Variants in UBA2 observed in about 807,000 individuals in gnomAD.
The protein encoded by UBA2 is SUMO-activating enzyme subunit 2.
In UBA2, 11 loss-of-function variants were observed where a neutral mutation model predicts 77.2. The observed-to-expected ratio is 0.14, with a 90% CI of 0.09 to 0.24. UBA2 has a LOEUF of 0.24. Among genes scored for constraint, UBA2 ranks in the 10% least tolerant of loss-of-function variants. The pLI is 1.00. For missense variants in UBA2, 487 were observed against 781.7 expected (o/e 0.62, Z 4.50); for synonymous variants, 278 against 276.7 (o/e 1.00, Z -0.05).
chr19:34,454,229 A>G, intron 10 of UBA2, 31 bp from the exon 11 acceptor site: 1 of 1,553,350 alleles, frequency 6.4e-7, no homozygotes. Flanking sequence ...ATTTGTGGAG[A>G]AACTTGTTAA....
rs2075727053 is a variant in UBA2, at chr19:34,470,645, C to T, written c.*1424C>T. The T allele has an allele frequency of 6.6e-6, 1 of 152,268 alleles. No individual in the cohort carries two copies. The highest frequency in any genetic ancestry group is 2.4e-5 in the African/African-American group (1 of 41,416). The allele number at this position is 152,268 out of a possible 1,614,324, so 9.4% of individuals were successfully genotyped here. Reference sequence around the variant, plus strand: ...GCAAGCGATTCTCCTGTCTCAGCCTCCCCTGTAGCTGGGATTACAGGCGCC... The same window carrying T: ...GCAAGCGATTCTCCTGTCTCAGCCTTCCCTGTAGCTGGGATTACAGGCGCC... On this transcript the variant is annotated 3_prime_UTR_variant, in exon 17 of 17. Transcript: ENST00000246548.
At chr19:34,450,584 C>G (rs2075482028) in intron 9 of UBA2, among the ~76,000 whole-genome samples, 1 of 152,030 alleles carries the variant, frequency 6.6e-6, no homozygotes, top group Admixed American at 6.6e-5. Context: ...TACACAGATG[C>G]AGGCATTCGT....
Position 34,469,384 on chromosome 19 carries a change from G to A in UBA2, c.*163G>A. 1.9e-6 allele frequency: 1 copy of A among 513,096 alleles called. No homozygotes were observed. Among genetic ancestry groups the A allele is most frequent in the Non-Finnish European group, 3.2e-6 (1 of 315,646 alleles). The allele number at this position is 513,096 out of a possible 1,614,324, so 31.8% of individuals were successfully genotyped here. A position where few individuals can be genotyped will look rare whatever the true frequency, so the allele number is the denominator to read the frequency against. ...TTTTGCTAGAACTGTTAGACACATT[G>A]CAGTATGCTGTATTGAAAGTAGGAA... On this transcript the variant is annotated 3_prime_UTR_variant, in exon 17 of 17. Transcript: ENST00000246548.
chr19:34,470,500 A>C lies in UBA2; in HGVS notation c.*1279A>C, dbSNP rs899909257. 3 of 152,182 alleles carry C rather than the reference A, an allele frequency of 2.0e-5. No homozygotes were observed. The highest frequency in any genetic ancestry group is 4.4e-5 in the Non-Finnish European group (3 of 68,064). The allele number at this position is 152,182 out of a possible 1,614,324, so 9.4% of individuals were successfully genotyped here. ...CCTGTCTCTAAAAAATAAGTAAATAAAATAAAGCTTTTAATGGCAGTGGGT... is the reference window on the plus strand; with the variant it reads ...CCTGTCTCTAAAAAATAAGTAAATACAATAAAGCTTTTAATGGCAGTGGGT... On this transcript the variant is annotated 3_prime_UTR_variant, in exon 17 of 17. Transcript: ENST00000246548.
chr19:34,447,164 C>T (rs1487959190), intron 8 of UBA2, among the ~76,000 whole-genome samples: 1 of 152,116 alleles, frequency 6.6e-6, no homozygotes, highest in East Asian at 1.9e-4. Flanking sequence ...AAGCATCCAA[C>T]ATGGGAGAAA....
At chr19:34,428,674 G>A in intron 1 of UBA2, 104 bp downstream of exon 1, 2 of 1,218,380 alleles carry the variant, frequency 1.6e-6, no homozygotes, top group Non-Finnish European at 2.1e-6. Flanking sequence ...CCCGGAGCCC[G>A]GGACCGGAGT....
intron 7 of UBA2, among the ~76,000 whole-genome samples, chr19:34,444,398 G>T (rs993819092): frequency 6.6e-6 from 1 of 152,176 alleles, no homozygotes; most frequent in African/African-American, 2.4e-5. Context: ...TTTTACTGAT[G>T]AGGAAATCAA....
At chr19:34,459,492 G>T (rs1475749869) in intron 13 of UBA2, among the ~76,000 whole-genome samples, 1 of 152,122 alleles carries the variant, frequency 6.6e-6, no homozygotes, top group Non-Finnish European at 1.5e-5. Context: ...AATATGACCT[G>T]ATTCTGATAT....
chr19:34,442,604 G>A (rs895337471), intron 6 of UBA2, among the ~76,000 whole-genome samples: 2 of 151,890 alleles, frequency 1.3e-5, no homozygotes, highest in African/African-American at 4.8e-5. Context: ...GCTAATATTT[G>A]TATTTTAGTA....
At chr19:34,450,783 C>T (rs1599915450) in intron 9 of UBA2, among the ~76,000 whole-genome samples, 1 of 117,822 alleles carries the variant, frequency 8.5e-6, no homozygotes, top group East Asian at 2.7e-4. Flanking sequence ...GTGTCTCGCT[C>T]TGTTGCCAAG....
chr19:34,449,154 C>T (rs1465486414), intron 8 of UBA2, among the ~76,000 whole-genome samples: 1 of 149,368 alleles, frequency 6.7e-6, no homozygotes, highest in Non-Finnish European at 1.5e-5. Context: ...ACTGCACTCT[C>T]CGCCTCCCAG....
At chr19:34,448,995 C>G (rs1275525847) in intron 8 of UBA2, among the ~76,000 whole-genome samples, 1 of 151,848 alleles carries the variant, frequency 6.6e-6, no homozygotes, top group Non-Finnish European at 1.5e-5. Flanking sequence ...CATCTCCTTG[C>G]CTTTGTACCC....
chr19:34,444,958 AC>A lies in UBA2; in HGVS notation c.650-41del, dbSNP rs1401692325. On this transcript the variant is annotated intron_variant, in intron 7 of 16. Transcript: ENST00000246548. ...AGGTGAGTGAAAAGAGTTCAGTTCT[AC>A]ATTTATTACGGTTGAAAATAAAATA... 8 of 1,592,760 alleles carry A rather than the reference AC, an allele frequency of 5.0e-6. No homozygotes were observed. The Admixed American group carries it at 7.2e-5, about 14-fold the overall frequency.
chr19:34,449,260 G>A (rs1023884033), intron 8 of UBA2, among the ~76,000 whole-genome samples: 4 of 151,940 alleles, frequency 2.6e-5, no homozygotes, highest in South Asian at 2.1e-4. Context: ...AGTAGAGATG[G>A]GGTTTCACCA....
intron 15 of UBA2, among the ~76,000 whole-genome samples, chr19:34,465,271 A>G (rs934907149): frequency 6.6e-6 from 1 of 152,204 alleles, no homozygotes; most frequent in African/African-American, 2.4e-5. Context: ...TCATGAGTAT[A>G]CAAACATGCA....
intron 4 of UBA2, among the ~76,000 whole-genome samples, chr19:34,434,580 G>A (rs759681034): frequency 1.3e-5 from 2 of 152,202 alleles, no homozygotes; most frequent in Non-Finnish European, 2.9e-5. Flanking sequence ...AGTGTTTTGT[G>A]TAAGGTACAG....
intron 10 of UBA2, among the ~76,000 whole-genome samples, chr19:34,453,517 CTTTTTT>C (rs560242991): frequency 1.6e-5 from 2 of 127,340 alleles, no homozygotes; most frequent in Non-Finnish European, 3.3e-5. Flanking sequence ...AATGAAACAG[CTTTTTT>C]TTTTTTTTTT....
chr19:34,437,420 G>A (rs2075321168), intron 5 of UBA2, among the ~76,000 whole-genome samples: 1 of 151,118 alleles, frequency 6.6e-6, no homozygotes, highest in Non-Finnish European at 1.5e-5. Flanking sequence ...GACCAGCCTG[G>A]CCAACATGGT....
intron 9 of UBA2, among the ~76,000 whole-genome samples, chr19:34,451,686 TACA>T (rs1270641360): frequency 6.6e-6 from 1 of 151,868 alleles, no homozygotes; most frequent in Admixed American, 6.6e-5. Flanking sequence ...TAGCTGGGAC[TACA>T]GGCGCCCGCC....
Sources: gnomAD v4.1 joint callset for allele counts (sites outside exome capture counted in the v4.1 genomes callset) on GRCh38, gnomAD v4.1.1 for gene constraint, MANE v1.5 for transcripts, NCBI Gene and HGNC (gene_info 2026-07-23, HGNC 2026-07-21) for gene names.